Variants in SATB2 observed in about 807,000 individuals in gnomAD.
SATB2 encodes SATB homeobox 2.
SATB2 carries 1 observed loss-of-function variant against 73.4 expected under a neutral mutation model. The observed-to-expected ratio is 0.01, with a 90% CI of 0.00 to 0.06. The LOEUF (loss-of-function observed/expected upper bound fraction) is 0.06. SATB2 is among the 10% of genes least tolerant of loss of function. The pLI is 1.00. For missense variants in SATB2, 459 were observed against 945.8 expected (o/e 0.49, Z 6.75); for synonymous variants, 397 against 367.0 (o/e 1.08, Z -0.93).
At chr2:199,274,843 G>T (rs1356506762) in intron 10 of SATB2, among the ~76,000 whole-genome samples, 4 of 151,960 alleles carry the variant, frequency 2.6e-5, no homozygotes, top group African/African-American at 9.6e-5. Context: ...GATGGGGGGT[G>T]GGGGGACTGG....
chr2:199,468,452 G>T (rs986515565), upstream of SATB2, among the ~76,000 whole-genome samples: 5 of 152,134 alleles, frequency 3.3e-5, no homozygotes, highest in Non-Finnish European at 7.4e-5. Flanking sequence ...GCCTGGCAGG[G>T]CCTTCGCTTT....
chr2:199,469,020 T>G (rs894596608), upstream of SATB2: 4 of 152,210 alleles, frequency 2.6e-5, no homozygotes, highest in African/African-American at 9.7e-5. Flanking sequence ...TCGAAGGGAC[T>G]GGTCTGCGTG....
intron 5 of SATB2, among the ~76,000 whole-genome samples, chr2:199,372,121 C>A (rs2105854615): frequency 6.6e-6 from 1 of 152,036 alleles, no homozygotes; most frequent in East Asian, 1.9e-4. Context: ...GTCTTTCCAA[C>A]TACAGAAACT....
intron 3 of SATB2, chr2:199,397,746 A>G: frequency 2.4e-6 from 1 of 420,882 alleles, no homozygotes; most frequent in Non-Finnish European, 4.7e-6. Flanking sequence ...GAAATAAGCC[A>G]GGCATGGTGG....
upstream of SATB2, among the ~76,000 whole-genome samples, chr2:199,460,108 C>T (rs903987479): frequency 6.6e-6 from 1 of 152,032 alleles, no homozygotes; most frequent in Non-Finnish European, 1.5e-5. The surrounding 1 kb of genome is among the most constrained non-coding windows in gnomAD (Gnocchi z 4.0). Flanking sequence ...GAGTTTTAGG[C>T]AGCGTTTGCC....
rs1174656181 is a variant in SATB2, at chr2:199,444,196, C to A, written c.170-10682G>T. On this transcript the variant is annotated intron_variant, in intron 2 of 10. Transcript: ENST00000417098. ...TAAAAATGAAAGAGACTATTTAAGT[C>A]TCTGCATATAAATCTCTTGGAAACC... 2.0e-5 allele frequency among the ~76,000 whole-genome samples: 3 copies of A among 151,720 alleles called. No homozygotes were observed. In the East Asian group the frequency reaches 5.8e-4, roughly 29 times the overall value.
intron 2 of SATB2, among the ~76,000 whole-genome samples, chr2:199,444,045 G>A (rs142962887): frequency 6.6e-6 from 1 of 152,222 alleles, no homozygotes; most frequent in Non-Finnish European, 1.5e-5. Flanking sequence ...TAGTGCCTGT[G>A]TAATTTATAG....
At chr2:199,403,751 C>T (rs958336712) in intron 3 of SATB2, among the ~76,000 whole-genome samples, 1 of 152,034 alleles carries the variant, frequency 6.6e-6, no homozygotes, top group Non-Finnish European at 1.5e-5. Context: ...TATAATGTTG[C>T]CTAAAAGGAT....
intron 7 of SATB2, 104 bp from the exon 8 acceptor site, chr2:199,329,014 G>C: frequency 1.2e-6 from 1 of 850,838 alleles, no homozygotes; most frequent in South Asian, 1.4e-5. Flanking sequence ...TAACCAGCTC[G>C]CTGTGATGTC....
chr2:199,465,937 T>C (rs772320209), upstream of SATB2, among the ~76,000 whole-genome samples: 1 of 152,190 alleles, frequency 6.6e-6, no homozygotes, highest in Non-Finnish European at 1.5e-5. Flanking sequence ...CAGGGAAAAG[T>C]CGGCTCCAGA....
At chr2:199,336,269 T>G (rs1444469030) in intron 7 of SATB2, among the ~76,000 whole-genome samples, 1 of 152,146 alleles carries the variant, frequency 6.6e-6, no homozygotes, top group Admixed American at 6.6e-5. Flanking sequence ...GTTTTACTAG[T>G]AGTGTTCTTC....
intron 9 of SATB2, among the ~76,000 whole-genome samples, chr2:199,310,968 C>T (rs916861633): frequency 6.6e-6 from 1 of 152,232 alleles, no homozygotes; most frequent in African/African-American, 2.4e-5. Context: ...AATCTGCACT[C>T]ATTACAATCA....
At chr2:199,316,185 C>G (rs2105779491) in intron 9 of SATB2, among the ~76,000 whole-genome samples, 1 of 152,232 alleles carries the variant, frequency 6.6e-6, no homozygotes, top group Admixed American at 6.5e-5. Context: ...TGAGACTCTT[C>G]TGAAGTGTGA....
At chr2:199,440,200 G>A (rs1263497860) in intron 2 of SATB2, among the ~76,000 whole-genome samples, 1 of 152,134 alleles carries the variant, frequency 6.6e-6, no homozygotes, top group African/African-American at 2.4e-5. Flanking sequence ...CTCCCTGTTG[G>A]GGTCTCAGGA....
At chr2:199,415,431 T>C (rs1384269135) in intron 3 of SATB2, among the ~76,000 whole-genome samples, 1 of 152,232 alleles carries the variant, frequency 6.6e-6, no homozygotes, top group Non-Finnish European at 1.5e-5. Context: ...AAGTGCTATA[T>C]AGTATTGTTT....
chr2:199,304,659 A>T (rs1687380902), intron 10 of SATB2, among the ~76,000 whole-genome samples: 1 of 152,192 alleles, frequency 6.6e-6, no homozygotes, highest in Non-Finnish European at 1.5e-5. Context: ...TGCTGGTCCA[A>T]CTGTGGATTC....
At chr2:199,453,882 G>C (rs565737024) in intron 2 of SATB2, among the ~76,000 whole-genome samples, 1 of 151,812 alleles carries the variant, frequency 6.6e-6, no homozygotes, top group Non-Finnish European at 1.5e-5. Flanking sequence ...TATTATAAAC[G>C]ATATGTATTG....
chr2:199,398,418 G>C (rs532624947), intron 3 of SATB2, among the ~76,000 whole-genome samples: 2 of 152,152 alleles, frequency 1.3e-5, no homozygotes, highest in Non-Finnish European at 2.9e-5. Context: ...AGATGCACAC[G>C]TTAATAAACT....
intron 3 of SATB2, among the ~76,000 whole-genome samples, chr2:199,427,263 T>C (rs572544674): frequency 6.6e-6 from 1 of 152,196 alleles, no homozygotes; most frequent in African/African-American, 2.4e-5. Context: ...AAATTCTGAA[T>C]TAAAGCAGCA....
Sources: allele counts gnomAD v4.1 joint callset (sites outside exome capture counted in the v4.1 genomes callset), GRCh38; gene constraint gnomAD v4.1.1; non-coding constraint Gnocchi (gnomAD v3.1); transcripts MANE v1.5; gene names NCBI Gene and HGNC (gene_info 2026-07-23, HGNC 2026-07-21).